Variants in NMNAT1 observed in about 807,000 individuals in gnomAD.
The protein encoded by NMNAT1 is nicotinamide/nicotinic acid mononucleotide adenylyltransferase 1.
NMNAT1 carries 11 observed loss-of-function variants against 16.7 expected under a neutral mutation model. The observed-to-expected ratio is 0.66, with a 90% CI of 0.41 to 1.09. The LOEUF (loss-of-function observed/expected upper bound fraction) is 1.09, where lower values mean the gene tolerates loss of function less well. NMNAT1 is among the 50% of genes least tolerant of loss of function. NMNAT1 has a pLI of 0.00. For synonymous variants in NMNAT1, 110 were observed against 119.8 expected (o/e 0.92, Z 0.53); for missense variants, 280 against 332.3 (o/e 0.84, Z 1.22).
In NMNAT1 at chr1:9,984,433, A is replaced by T. The variant is rs1269348761; in HGVS notation, c.*1732A>T. On this transcript the variant is annotated 3_prime_UTR_variant, in exon 5 of 5. Transcript: ENST00000377205. ...GAGAACAAGCTTGGCTTTTTCTCCC[A>T]ACGCCGAGGATGCTGTTGATGCTGC... 1 of 152,164 alleles carries T rather than the reference A, an allele frequency of 6.6e-6. No individual in the cohort carries two copies. Among genetic ancestry groups the T allele is most frequent in the Non-Finnish European group, 1.5e-5 (1 of 68,042 alleles). The allele number at this position is 152,164 out of a possible 1,614,324, so 9.4% of individuals were successfully genotyped here. A position where few individuals can be genotyped will look rare whatever the true frequency, so the allele number is the denominator to read the frequency against.
At chr1:9,972,232 C>CACT in intron 2 of NMNAT1, 44 bp downstream of exon 2, 1 of 1,021,834 alleles carries the variant, frequency 9.8e-7, no homozygotes, top group Non-Finnish European at 1.6e-6. Context: ...GAGAACCAGC[C>CACT]GGGTGCAGTG....
rs577108404 is a variant in NMNAT1 at position 9,982,168 on chromosome 1, C to G, written c.440-133C>G. The stretch of plus-strand genomic sequence containing the variant: ...TAGAGCCACCGCACTCGGCCTAAGC[C>G]CTCATCCTTGAAAAGCACATACGTA... On this transcript the variant is annotated intron_variant, in intron 4 of 4. Coordinates refer to ENST00000377205, the MANE Select transcript of NMNAT1 (RefSeq NM_022787.4). 15 of 1,234,552 alleles carry G rather than the reference C, an allele frequency of 1.2e-5. No individual in the cohort carries two copies. The South Asian group carries it at 2.1e-4, about 17-fold the overall frequency. 76.5% of individuals were successfully genotyped at this position (1,234,552 alleles called of 1,614,324 possible).
chr1:9,982,751 A>C lies in NMNAT1; in HGVS notation c.*50A>C. ...ACTTCCCATTTGGGGATCTGAAACAATCTGGGAGTTAATAACTGGGGAAAG... is the reference window on the plus strand; with the variant it reads ...ACTTCCCATTTGGGGATCTGAAACACTCTGGGAGTTAATAACTGGGGAAAG... On this transcript the variant is annotated 3_prime_UTR_variant, in exon 5 of 5. Transcript: ENST00000377205. 2 of 1,513,580 alleles carry C rather than the reference A, an allele frequency of 1.3e-6. No homozygotes were observed. Among genetic ancestry groups the C allele is most frequent in the Non-Finnish European group, 1.8e-6 (2 of 1,124,460 alleles). 93.8% of individuals were successfully genotyped at this position (1,513,580 alleles called of 1,614,324 possible).
intron 1 of NMNAT1, among the ~76,000 whole-genome samples, chr1:9,962,677 GTTTTTTT>G (rs34747915): frequency 1.3e-5 from 1 of 74,218 alleles, no homozygotes; most frequent in Non-Finnish European, 2.2e-5. Flanking sequence ...CCAAATAAGG[GTTTTTTT>G]TTTTTTTTTT....
intron 1 of NMNAT1, among the ~76,000 whole-genome samples, chr1:9,964,289 A>G (rs1641492422): frequency 6.6e-6 from 1 of 151,484 alleles, no homozygotes; most frequent in African/African-American, 2.4e-5. Flanking sequence ...CTTGGTCTTG[A>G]AATCCTGGGC....
intron 1 of NMNAT1, among the ~76,000 whole-genome samples, chr1:9,945,336 T>G (rs1423887361): frequency 6.6e-6 from 1 of 152,218 alleles, no homozygotes; most frequent in Non-Finnish European, 1.5e-5. Context: ...AGTGTCAATG[T>G]TTTGGGTAAA....
chr1:9,976,004 C>A (rs1252055242), intron 3 of NMNAT1, among the ~76,000 whole-genome samples: 1 of 152,020 alleles, frequency 6.6e-6, no homozygotes, highest in African/African-American at 2.4e-5. Context: ...AAGTTGTTTG[C>A]GGCCAGGCGC....
chr1:9,945,966 C>A (rs530030949), intron 1 of NMNAT1, among the ~76,000 whole-genome samples: 19 of 152,084 alleles, frequency 1.2e-4, no homozygotes, highest in Non-Finnish European at 2.1e-4. Context: ...GTTGCCCAGG[C>A]TGGTTTCAAA....
chr1:9,948,996 A>G (rs1444548660), intron 1 of NMNAT1, among the ~76,000 whole-genome samples: 2 of 149,656 alleles, frequency 1.3e-5, no homozygotes, highest in African/African-American at 4.9e-5. Context: ...ACGGCTGGCC[A>G]TGGTGGCTCA....
At chr1:9,980,245 A>AT (rs1043278917) in intron 3 of NMNAT1, among the ~76,000 whole-genome samples, 1 of 151,714 alleles carries the variant, frequency 6.6e-6, no homozygotes. Flanking sequence ...AAGATTTTTA[A>AT]TTTTTTTTAG....
At chr1:9,986,708 CCT>C (rs1642049916), downstream of NMNAT1, among the ~76,000 whole-genome samples, 1 of 151,972 alleles carries the variant, frequency 6.6e-6, no homozygotes, top group Admixed American at 6.6e-5. Flanking sequence ...ATGGCAAAAC[CCT>C]GTCTCTACCA....
In NMNAT1 at chr1:9,980,888, C is replaced by T. The variant is rs1641932371; in HGVS notation, c.300-143C>T. The T allele has an allele frequency of 5.7e-5, 41 of 713,400 alleles. No homozygotes were observed. In the South Asian group the frequency reaches 8.7e-4, roughly 15 times the overall value. The allele number at this position is 713,400 out of a possible 1,614,324, so 44.2% of individuals were successfully genotyped here. A position where few individuals can be genotyped will look rare whatever the true frequency, so the allele number is the denominator to read the frequency against. On this transcript the variant is annotated intron_variant, in intron 3 of 4. Transcript: ENST00000377205. Reference sequence around the variant, plus strand: ...AGCCAGGATGGTCTCGATCTTCTGACCTCGTGATCCGCCCACCTCGGCCTC... The same window carrying T: ...AGCCAGGATGGTCTCGATCTTCTGATCTCGTGATCCGCCCACCTCGGCCTC...
intron 3 of NMNAT1, among the ~76,000 whole-genome samples, chr1:9,977,587 C>T (rs1341706168): frequency 2.0e-5 from 3 of 152,070 alleles, no homozygotes; most frequent in Non-Finnish European, 4.4e-5. Flanking sequence ...AGAGCTGAGG[C>T]CGGGCGTGGT....
chr1:9,962,735 G>T (rs1206275127), intron 1 of NMNAT1, among the ~76,000 whole-genome samples: 1 of 127,104 alleles, frequency 7.9e-6, no homozygotes, highest in South Asian at 2.7e-4. Flanking sequence ...AGGCTGGAGT[G>T]CAGTGGCGCG....
chr1:9,944,705 G>C (rs1443952337), intron 1 of NMNAT1, among the ~76,000 whole-genome samples: 1 of 152,132 alleles, frequency 6.6e-6, no homozygotes, highest in Non-Finnish European at 1.5e-5. Context: ...TTATATTTCA[G>C]CTACCCAGGA....
intron 2 of NMNAT1, among the ~76,000 whole-genome samples, chr1:9,973,845 G>A (rs560312759): frequency 1.3e-5 from 2 of 151,230 alleles, no homozygotes; most frequent in African/African-American, 4.9e-5. Flanking sequence ...CCAATGTGGC[G>A]AAACCTTGAC....
intron 1 of NMNAT1, 144 bp from the exon 2 acceptor site, chr1:9,971,874 G>A: frequency 2.0e-6 from 1 of 508,964 alleles, no homozygotes; most frequent in Non-Finnish European, 3.6e-6. Context: ...AGAGGCTGAG[G>A]TGGGAGCATC....
intron 4 of NMNAT1, 91 bp from the exon 5 acceptor site, chr1:9,982,210 G>A: frequency 6.9e-7 from 1 of 1,458,606 alleles, no homozygotes; most frequent in South Asian, 1.4e-5. Flanking sequence ...TTTTGATACA[G>A]TGGGTTATTA....
rs200890715 is a variant in NMNAT1 at position 9,971,973 on chromosome 1, G to GA, written c.-56-36dup. 3.2e-3 allele frequency: 2,257 copies of GA among 706,908 alleles called. 22 individuals carry two copies. The highest frequency in any genetic ancestry group is 0.027 in the African/African-American group (1,525 of 55,988). 43.8% of individuals were successfully genotyped at this position (706,908 alleles called of 1,614,324 possible). The stretch of plus-strand genomic sequence containing the variant: ...TGGCAGAGCAAGACCTTATCTTAGG[G>GA]AAAAAAAAATGCATAACTGAATTTA... On this transcript the variant is annotated intron_variant, in intron 1 of 4. Transcript: ENST00000377205.
Sources: allele counts gnomAD v4.1 joint callset (sites outside exome capture counted in the v4.1 genomes callset), GRCh38; gene constraint gnomAD v4.1.1; transcripts MANE v1.5; gene names NCBI Gene and HGNC (gene_info 2026-07-23, HGNC 2026-07-21).